PITPNC1: variants seen among roughly 807,000 people sequenced by gnomAD.
The protein encoded by PITPNC1 is cytoplasmic phosphatidylinositol transfer protein 1.
In PITPNC1, 18 loss-of-function variants were observed where a neutral mutation model predicts 44.7. That is an observed-to-expected ratio of 0.40 (90% CI 0.28 to 0.60). PITPNC1 has a LOEUF of 0.60. Ranked by LOEUF, PITPNC1 falls within the 20% of genes least tolerant of loss-of-function variation. PITPNC1 has a pLI of 0.39. For synonymous variants in PITPNC1, 141 were observed against 149.6 expected (o/e 0.94, Z 0.42); for missense variants, 290 against 418.4 (o/e 0.69, Z 2.68).
intron 5 of PITPNC1, among the ~76,000 whole-genome samples, chr17:67,587,648 T>A (rs1368705105): frequency 6.6e-6 from 1 of 152,238 alleles, no homozygotes; most frequent in Non-Finnish European, 1.5e-5. Flanking sequence ...AAGGACCTTC[T>A]GATGGCTTCC....
intron 1 of PITPNC1, among the ~76,000 whole-genome samples, chr17:67,520,377 A>G (rs563550699): frequency 6.6e-6 from 1 of 152,224 alleles, no homozygotes; most frequent in Non-Finnish European, 1.5e-5. Flanking sequence ...CTGTGGGTTT[A>G]TGTTCTGTAG....
intron 2 of PITPNC1, among the ~76,000 whole-genome samples, chr17:67,546,331 G>A (rs2040683529): frequency 6.6e-6 from 1 of 151,448 alleles, no homozygotes; most frequent in Non-Finnish European, 1.5e-5. Context: ...AAGGTGATAA[G>A]TGTTATGGAA....
At chr17:67,622,251 C>T (rs1436168093) in intron 5 of PITPNC1, among the ~76,000 whole-genome samples, 2 of 97,952 alleles carry the variant, frequency 2.0e-5, no homozygotes, top group African/African-American at 1.1e-4. Context: ...AGCGAGACTG[C>T]ATCTCAAAAA....
intron 8 of PITPNC1, among the ~76,000 whole-genome samples, chr17:67,687,991 C>T (rs983703579): frequency 6.6e-6 from 1 of 151,252 alleles, no homozygotes; most frequent in East Asian, 1.9e-4. Flanking sequence ...CGCCTTGAGT[C>T]CTCATGTCCA....
At chr17:67,539,724 G>A (rs2040578783) in intron 2 of PITPNC1, among the ~76,000 whole-genome samples, 1 of 152,104 alleles carries the variant, frequency 6.6e-6, no homozygotes, top group African/African-American at 2.4e-5. Flanking sequence ...TGGAGTCCCA[G>A]CTACTCGGGA....
At chr17:67,478,700 G>C (rs2144022339) in intron 1 of PITPNC1, among the ~76,000 whole-genome samples, 1 of 152,182 alleles carries the variant, frequency 6.6e-6, no homozygotes, top group East Asian at 1.9e-4. Flanking sequence ...AAGGGTCTCT[G>C]TGGCCCTCTT....
intron 1 of PITPNC1, among the ~76,000 whole-genome samples, chr17:67,469,486 T>C (rs546724231): frequency 7.2e-5 from 11 of 152,296 alleles, no homozygotes; most frequent in African/African-American, 2.6e-4. Context: ...TGTCTGCCTG[T>C]TGACAAGGGA....
chr17:67,407,464 C>T (rs768513857), intron 1 of PITPNC1, among the ~76,000 whole-genome samples: 3 of 152,110 alleles, frequency 2.0e-5, no homozygotes, highest in African/African-American at 7.2e-5. Flanking sequence ...TTTGTCTTTT[C>T]ACTTTTTCAT....
intron 6 of PITPNC1, among the ~76,000 whole-genome samples, chr17:67,664,099 G>A (rs1184508429): frequency 6.6e-6 from 1 of 152,098 alleles, no homozygotes; most frequent in Admixed American, 6.6e-5. Flanking sequence ...GAGTACCTGG[G>A]ACTACAGGCA....
chr17:67,465,270 A>G (rs2143984955), intron 1 of PITPNC1, among the ~76,000 whole-genome samples: 1 of 152,350 alleles, frequency 6.6e-6, no homozygotes, highest in African/African-American at 2.4e-5. Flanking sequence ...CAGGAGGAGC[A>G]GAGGAAAATG....
intron 5 of PITPNC1, among the ~76,000 whole-genome samples, chr17:67,614,106 G>GAAAAT: frequency 6.6e-6 from 1 of 151,218 alleles, no homozygotes; most frequent in African/African-American, 2.4e-5. Context: ...GAAAAGAAAA[G>GAAAAT]AAAAAGAAAA....
intron 6 of PITPNC1, 146 bp from the exon 7 acceptor site, chr17:67,669,362 C>T (rs921889203): frequency 2.4e-5 from 13 of 544,158 alleles, no homozygotes; most frequent in Admixed American, 1.0e-4. Flanking sequence ...GTGATCCGCC[C>T]GCCTCAGCCT....
intron 1 of PITPNC1, among the ~76,000 whole-genome samples, chr17:67,411,829 C>T (rs1252066864): frequency 6.6e-6 from 1 of 152,060 alleles, no homozygotes; most frequent in Non-Finnish European, 1.5e-5. Context: ...ATCTACACAA[C>T]AATCCTGGGA....
intron 1 of PITPNC1, among the ~76,000 whole-genome samples, chr17:67,494,903 G>A (rs950259574): frequency 1.3e-5 from 2 of 151,852 alleles, no homozygotes; most frequent in Non-Finnish European, 2.9e-5. Context: ...AGCCCAGGGG[G>A]TCAAGGCTGC....
intron 5 of PITPNC1, among the ~76,000 whole-genome samples, chr17:67,604,376 T>C (rs1044766271): frequency 3.9e-5 from 6 of 152,286 alleles, no homozygotes; most frequent in Admixed American, 3.3e-4. Context: ...TGGTGACATA[T>C]GAAGGAGGGG....
chr17:67,477,696 G>A lies in PITPNC1; in HGVS notation c.49-55106G>A, dbSNP rs76576302. ...TTACAGATTACAGGCATAAGCCACC[G>A]CATCAGGTCTGTTTAATTTTTACCA... On this transcript the variant is annotated intron_variant, in intron 1 of 8. Transcript: ENST00000581322. 3.6e-3 allele frequency among the ~76,000 whole-genome samples: 544 copies of A among 152,174 alleles called. 1 individual carries two copies. The highest frequency in any genetic ancestry group is 0.012 in the African/African-American group (514 of 41,514).
intron 1 of PITPNC1, among the ~76,000 whole-genome samples, chr17:67,385,233 C>T (rs1469008785): frequency 1.3e-5 from 2 of 152,046 alleles, no homozygotes; most frequent in Non-Finnish European, 2.9e-5. Context: ...AATCAGCAGG[C>T]TGCAAAAACG....
rs1163294181 is a variant in PITPNC1, at chr17:67,492,011, T to TA, written c.49-40791_49-40790insA. Among the ~76,000 whole-genome samples, 313 of 145,696 alleles carry TA rather than the reference T, an allele frequency of 2.1e-3. 2 individuals carry two copies. Among genetic ancestry groups the TA allele is most frequent in the East Asian group, 6.5e-3 (33 of 5,070 alleles). ...GTCTTCCTTTTTTTTTCTTTTTTTT[T>TA]TAAAAAAAAAAAGATGTGCAAGATG... On this transcript the variant is annotated intron_variant, in intron 1 of 8. Coordinates refer to ENST00000581322, the MANE Select transcript of PITPNC1 (RefSeq NM_012417.4).
intron 1 of PITPNC1, among the ~76,000 whole-genome samples, chr17:67,526,098 T>C (rs1364079318): frequency 2.0e-5 from 3 of 152,122 alleles, no homozygotes; most frequent in Admixed American, 6.5e-5. Flanking sequence ...GCTGTTCACA[T>C]TGTGACGTTT....
Sources: allele counts gnomAD v4.1 joint callset (sites outside exome capture counted in the v4.1 genomes callset), GRCh38; gene constraint gnomAD v4.1.1; transcripts MANE v1.5; gene names NCBI Gene and HGNC (gene_info 2026-07-23, HGNC 2026-07-21).